Variants in STAU2 observed in about 807,000 individuals in gnomAD.
STAU2 encodes double-stranded RNA-binding protein Staufen homolog 2.
STAU2 carries 20 observed loss-of-function variants against 65.9 expected under a neutral mutation model. The ratio of observed to expected loss-of-function variants is 0.30; its 90% CI spans 0.21 to 0.44. The LOEUF (loss-of-function observed/expected upper bound fraction) is 0.44. STAU2 is among the 20% of genes least tolerant of loss of function. The pLI, the probability that STAU2 is intolerant of heterozygous loss-of-function variation, is 1.00. For missense variants in STAU2, 558 were observed against 683.9 expected, an observed-to-expected ratio of 0.82 and a Z score of 2.05; for synonymous variants, 232 against 233.9, an observed-to-expected ratio of 0.99 and a Z score of 0.07.
chr8:73,644,310 A>AG (rs1815197575), intron 6 of STAU2, among the ~76,000 whole-genome samples: 2 of 152,224 alleles, frequency 1.3e-5, no homozygotes, highest in African/African-American at 4.8e-5. Context: ...AGAATTAGCC[A>AG]GGTGTGCACC....
chr8:73,625,060 TA>T (rs1041828389), intron 6 of STAU2, among the ~76,000 whole-genome samples: 38 of 146,706 alleles, frequency 2.6e-4, no homozygotes, highest in Middle Eastern at 3.5e-3. Flanking sequence ...GGCTATAGTT[TA>T]AAAAAAAAAA....
chr8:73,528,518 T>C (rs992984219), intron 13 of STAU2, among the ~76,000 whole-genome samples: 5 of 152,190 alleles, frequency 3.3e-5, no homozygotes, highest in Non-Finnish European at 5.9e-5. Context: ...CTTCCATTTA[T>C]CCACTGTCAA....
At chr8:73,741,556 A>AGACTG (rs1806881745) in intron 1 of STAU2, among the ~76,000 whole-genome samples, 4 of 149,686 alleles carry the variant, frequency 2.7e-5, no homozygotes, top group African/African-American at 9.9e-5. Context: ...CCTGTCACCC[A>AGACTG]GAGTGGAGTG....
intron 4 of STAU2, among the ~76,000 whole-genome samples, chr8:73,706,512 CCACTGATAGA>C (rs1423962389): frequency 2.6e-5 from 4 of 152,228 alleles, no homozygotes; most frequent in Admixed American, 1.3e-4. Context: ...CACCTAAAGG[CCACTGATAGA>C]CATACATGAA....
intron 10 of STAU2, among the ~76,000 whole-genome samples, chr8:73,598,192 T>G (rs111490644): frequency 2.4e-3 from 359 of 151,666 alleles, no homozygotes; most frequent in Non-Finnish European, 4.0e-3. Flanking sequence ...TTATTCATAA[T>G]GAAAATTATT....
intron 13 of STAU2, among the ~76,000 whole-genome samples, chr8:73,530,315 C>T (rs1024546943): frequency 6.6e-6 from 1 of 152,112 alleles, no homozygotes; most frequent in Non-Finnish European, 1.5e-5. Flanking sequence ...CATGGCCAAA[C>T]CAAAAGAAGC....
At chr8:73,518,595 T>C (rs1403017373) in intron 13 of STAU2, among the ~76,000 whole-genome samples, 1 of 152,208 alleles carries the variant, frequency 6.6e-6, no homozygotes, top group Non-Finnish European at 1.5e-5. Flanking sequence ...AAATACTATT[T>C]TTCTTGTGAT....
intron 5 of STAU2, among the ~76,000 whole-genome samples, chr8:73,687,344 T>TTATAAA (rs1344215283): frequency 0.038 from 3,154 of 83,712 alleles, 223 homozygotes; most frequent in Middle Eastern, 0.079. Flanking sequence ...TAATTTATAT[T>TTATAAA]TATAATTTAT....
Position 73,728,515 on chromosome 8 carries a change from TG to T in STAU2, c.-18+9768del, listed in dbSNP as rs567627663. Reference sequence around the variant, plus strand: ...ATTTTGATAGAGATTGCATTGAATCTGGAGATTGCTTTGGACAGTATTGCCA... The same window carrying T: ...ATTTTGATAGAGATTGCATTGAATCTGAGATTGCTTTGGACAGTATTGCCA... On this transcript the variant is annotated intron_variant, in intron 3 of 14. Transcript: ENST00000524300. Among the ~76,000 whole-genome samples, 235 of 151,258 alleles carry T rather than the reference TG, an allele frequency of 1.6e-3. 4 individuals are homozygous for T. Among genetic ancestry groups the T allele is most frequent in the South Asian group, 6.9e-3 (33 of 4,774 alleles).
At chr8:73,746,691 G>T in intron 1 of STAU2, 92 bp downstream of exon 1, 2 of 779,660 alleles carry the variant, frequency 2.6e-6, no homozygotes, top group Non-Finnish European at 3.5e-6. Flanking sequence ...TCCCCGTGCT[G>T]CGGAACTGCA....
intron 5 of STAU2, among the ~76,000 whole-genome samples, chr8:73,679,161 A>G (rs1818218859): frequency 6.6e-6 from 1 of 152,222 alleles, no homozygotes. Context: ...TAGTAATTCC[A>G]TTAACCTAAT....
intron 5 of STAU2, among the ~76,000 whole-genome samples, chr8:73,678,290 C>CCAATT (rs1217265960): frequency 1.3e-5 from 2 of 152,088 alleles, no homozygotes; most frequent in African/African-American, 4.8e-5. Context: ...TCAAGTCGTC[C>CCAATT]CAATTCACTC....
chr8:73,525,880 A>G (rs1392250651), intron 13 of STAU2, among the ~76,000 whole-genome samples: 1 of 152,208 alleles, frequency 6.6e-6, no homozygotes, highest in Non-Finnish European at 1.5e-5. Flanking sequence ...GCTCCATGAG[A>G]GCAAGAACCA....
At chr8:73,651,017 G>A (rs1251932707) in intron 6 of STAU2, among the ~76,000 whole-genome samples, 2 of 152,192 alleles carry the variant, frequency 1.3e-5, no homozygotes, top group Non-Finnish European at 2.9e-5. Context: ...CCGGCCATGC[G>A]TCCCTCCTCC....
At chr8:73,500,543 T>TA (rs554110670) in intron 13 of STAU2, among the ~76,000 whole-genome samples, 68 of 151,736 alleles carry the variant, frequency 4.5e-4, no homozygotes, top group African/African-American at 1.5e-3. Flanking sequence ...CAGTGATTAG[T>TA]AAAAAAAATA....
At chr8:73,577,606 GTA>G (rs1397415851) in intron 12 of STAU2, among the ~76,000 whole-genome samples, 1 of 151,734 alleles carries the variant, frequency 6.6e-6, no homozygotes, top group Non-Finnish European at 1.5e-5. Flanking sequence ...CTATTTTTCC[GTA>G]TGTTTTAGCC....
At chr8:73,459,262 A>C (rs899965990) in intron 13 of STAU2, among the ~76,000 whole-genome samples, 6 of 152,210 alleles carry the variant, frequency 3.9e-5, no homozygotes, top group African/African-American at 1.4e-4. Context: ...ACAGAAGAGA[A>C]GCCAAGAAAC....
intron 4 of STAU2, among the ~76,000 whole-genome samples, chr8:73,708,066 T>C (rs951078721): frequency 3.9e-5 from 6 of 151,906 alleles, no homozygotes; most frequent in African/African-American, 1.5e-4. Context: ...GCTGGAAAGG[T>C]AGACCAAGGC....
chr8:73,527,890 T>TCAGGAAATTCAAATAATTTA (rs59636774), intron 13 of STAU2: 1 of 813,402 alleles, frequency 1.2e-6, no homozygotes, highest in African/African-American at 1.7e-5. Flanking sequence ...GGTCTAGATT[T>TCAGGAAATTCAAATAATTTA]CACAGAACAC....
Sources: allele counts gnomAD v4.1 joint callset (sites outside exome capture counted in the v4.1 genomes callset), GRCh38; gene constraint gnomAD v4.1.1; transcripts MANE v1.5; gene names NCBI Gene and HGNC (gene_info 2026-07-23, HGNC 2026-07-21).